Variants in FOXP1 observed in about 807,000 individuals in gnomAD.
FOXP1 encodes forkhead box protein P1.
In FOXP1, 15 loss-of-function variants were observed where a neutral mutation model predicts 98.2. That is an observed-to-expected ratio of 0.15 (90% CI 0.10 to 0.24). FOXP1 has a LOEUF of 0.24. FOXP1 is among the 10% of genes least tolerant of loss of function. The pLI is 1.00. For missense variants in FOXP1, 633 were observed against 848.5 expected (o/e 0.75, Z 3.15); for synonymous variants, 371 against 314.5 (o/e 1.18, Z -1.90).
chr3:71,218,490 T>A (rs1205437524), intron 5 of FOXP1, among the ~76,000 whole-genome samples: 1 of 152,192 alleles, frequency 6.6e-6, no homozygotes, highest in Non-Finnish European at 1.5e-5. Context: ...TTAATGAGCA[T>A]CCCCTTCCTC....
chr3:71,179,198 A>G lies in FOXP1; in HGVS notation c.180+19004T>C, dbSNP rs1284861309. ...CACCCAGGCTGAGTAGCACAACCTC[A>G]GCTCACTGCAACCTCCGCCTCCCGG... On this transcript the variant is annotated intron_variant, in intron 6 of 20. Coordinates refer to ENST00000649528, the MANE Select transcript of FOXP1 (RefSeq NM_001349338.3). Among the ~76,000 whole-genome samples the G allele has an allele frequency of 2.8e-5, 4 of 140,468 alleles. No individual in the cohort carries two copies. In the East Asian group the frequency reaches 8.3e-4, roughly 29 times the overall value. 92.2% of individuals were successfully genotyped at this position (140,468 alleles called of 152,430 possible).
At chr3:71,537,809 C>G (rs961006078) in intron 2 of FOXP1, among the ~76,000 whole-genome samples, 1 of 152,200 alleles carries the variant, frequency 6.6e-6, no homozygotes, top group Non-Finnish European at 1.5e-5. Flanking sequence ...TGACCACCTG[C>G]TTTTTACAGG....
intron 7 of FOXP1, among the ~76,000 whole-genome samples, chr3:71,086,388 G>C (rs2055096301): frequency 6.6e-6 from 1 of 152,174 alleles, no homozygotes; most frequent in Non-Finnish European, 1.5e-5. Flanking sequence ...AGCATCCCAT[G>C]AAAGGGGATC....
At chr3:71,500,443 C>A (rs905555381) in intron 2 of FOXP1, among the ~76,000 whole-genome samples, 5 of 152,192 alleles carry the variant, frequency 3.3e-5, no homozygotes, top group African/African-American at 1.2e-4. Flanking sequence ...ACTGACCTAA[C>A]TGATCACTTC....
At position 71,049,325 on chromosome 3, in the gene FOXP1, G is replaced by A. The variant is rs146650457; in HGVS notation, c.511-2230C>T. On this transcript the variant is annotated intron_variant, in intron 9 of 20. Transcript: ENST00000649528. ...CAACTTAGCCTACCTCACCCGCACA[G>A]GATGGAATCTTTTTTTGTAGCTCGA... Among the ~76,000 whole-genome samples the A allele has an allele frequency of 6.6e-5, 10 of 152,252 alleles. No individual in the cohort carries two copies. The East Asian group carries it at 1.9e-3, about 29-fold the overall frequency.
At chr3:71,581,961 A>AG (rs1162755391) in intron 1 of FOXP1, 9 of 726,590 alleles carry the variant, frequency 1.2e-5, no homozygotes, top group African/African-American at 2.8e-5. Context: ...AACAAAAAGG[A>AG]GGGGGGAGGA....
At chr3:71,391,844 C>G (rs953351699) in intron 3 of FOXP1, among the ~76,000 whole-genome samples, 4 of 152,210 alleles carry the variant, frequency 2.6e-5, no homozygotes, top group East Asian at 1.9e-4. Flanking sequence ...GCTGCTCTCT[C>G]TCTGTGCTGG....
At chr3:71,007,710 A>C (rs115760956) in intron 12 of FOXP1, among the ~76,000 whole-genome samples, 279 of 152,338 alleles carry the variant, frequency 1.8e-3, no homozygotes, top group African/African-American at 6.4e-3. Context: ...TGATAAAAAC[A>C]CTTGTGAAAA....
At chr3:71,224,215 C>G (rs905805004) in intron 5 of FOXP1, among the ~76,000 whole-genome samples, 1 of 152,114 alleles carries the variant, frequency 6.6e-6, no homozygotes, top group South Asian at 2.1e-4. Flanking sequence ...ACCATAAACA[C>G]TGGGATTGAT....
intron 6 of FOXP1, among the ~76,000 whole-genome samples, chr3:71,128,501 C>T (rs2059370893): frequency 6.6e-6 from 1 of 152,100 alleles, no homozygotes; most frequent in Non-Finnish European, 1.5e-5. Context: ...ACAGCACCTG[C>T]CTAACATCTT....
intron 2 of FOXP1, among the ~76,000 whole-genome samples, chr3:71,557,369 G>C (rs2046218139): frequency 6.7e-6 from 1 of 148,780 alleles, no homozygotes; most frequent in African/African-American, 2.5e-5. Flanking sequence ...AAAAAATCCT[G>C]CTTATTTAAA....
chr3:71,505,884 G>A (rs763398334), intron 2 of FOXP1, among the ~76,000 whole-genome samples: 5 of 152,128 alleles, frequency 3.3e-5, no homozygotes, highest in African/African-American at 4.8e-5. Context: ...TATCACTTCC[G>A]CCCGGAAGCC....
intron 4 of FOXP1, among the ~76,000 whole-genome samples, chr3:71,331,112 CAGCTTGTGGGGAGGTGTGGA>C (rs2076265579): frequency 6.6e-6 from 1 of 152,162 alleles, no homozygotes; most frequent in Admixed American, 6.5e-5. Flanking sequence ...ACGGCTCCCT[CAGCTTGTGGGGAGGTGTGGA>C]GAGAGAGGTG....
chr3:71,010,042 C>T (rs141629672), intron 12 of FOXP1, among the ~76,000 whole-genome samples: 14 of 151,892 alleles, frequency 9.2e-5, no homozygotes, highest in Admixed American at 8.5e-4. Context: ...AGGGGTAAAC[C>T]ACCTGTGTCT....
intron 7 of FOXP1, among the ~76,000 whole-genome samples, chr3:71,071,460 T>G (rs144818941): frequency 2.6e-5 from 4 of 152,350 alleles, no homozygotes; most frequent in African/African-American, 9.6e-5. Context: ...GACTTAGGAT[T>G]CTATTAATGA....
chr3:71,071,140 G>C (rs1437064836), intron 7 of FOXP1, among the ~76,000 whole-genome samples: 1 of 152,160 alleles, frequency 6.6e-6, no homozygotes, highest in Non-Finnish European at 1.5e-5. Flanking sequence ...CCACATAAAA[G>C]TCTCAAGGTT....
chr3:71,582,274 G>A (rs1055764171), intron 1 of FOXP1: 18 of 983,134 alleles, frequency 1.8e-5, no homozygotes, highest in South Asian at 9.4e-5. Context: ...CGAGCGCGAC[G>A]TTGTCTGAAA....
At chr3:71,279,748 T>C (rs1406134720) in intron 5 of FOXP1, among the ~76,000 whole-genome samples, 1 of 152,138 alleles carries the variant, frequency 6.6e-6, no homozygotes, top group Non-Finnish European at 1.5e-5. Flanking sequence ...GTAACATTTT[T>C]AAATGTTTAA....
Position 71,424,835 on chromosome 3 carries a change from T to C in FOXP1, c.-167-65591A>G, listed in dbSNP as rs115983204. ...GGCCTTCAAGAATCCAATGTTCCCA[T>C]TGGAGAAGCCAAACACTTTCATGAA... On this transcript the variant is annotated intron_variant, in intron 3 of 20. Coordinates refer to ENST00000649528, the MANE Select transcript of FOXP1 (RefSeq NM_001349338.3). Among the ~76,000 whole-genome samples, 1,202 of 152,258 alleles carry C rather than the reference T, an allele frequency of 7.9e-3. 21 individuals are homozygous for C. Among genetic ancestry groups the C allele is most frequent in the African/African-American group, 0.028 (1,154 of 41,538 alleles).
Sources: allele counts gnomAD v4.1 joint callset (sites outside exome capture counted in the v4.1 genomes callset), GRCh38; gene constraint gnomAD v4.1.1; transcripts MANE v1.5; gene names NCBI Gene and HGNC (gene_info 2026-07-23, HGNC 2026-07-21).